The following RBFOX1 variants were observed in gnomAD, a reference collection of about 807,000 sequenced individuals.
RBFOX1 encodes the protein RNA binding fox-1 homolog 1, also known as RNA binding protein fox-1 homolog 1.
RBFOX1 carries 8 observed loss-of-function variants against 57.7 expected under a neutral mutation model. The ratio of observed to expected loss-of-function variants is 0.14; its 90% confidence interval spans 0.08 to 0.25. The LOEUF (loss-of-function observed/expected upper bound fraction) is 0.25. RBFOX1 is among the 10% of genes least tolerant of loss of function. The pLI, the probability that RBFOX1 is intolerant of heterozygous loss-of-function variation, is 1.00. For synonymous variants in RBFOX1, 326 were observed against 222.4 expected, an observed-to-expected ratio of 1.47 and a Z score of -4.15; for missense variants, 611 against 548.5, an observed-to-expected ratio of 1.11 and a Z score of -1.14.
intron 4 of RBFOX1, among the ~76,000 whole-genome samples, chr16:7,298,103 G>A (rs2095938763): frequency 6.6e-6 from 1 of 152,006 alleles, no homozygotes; most frequent in South Asian, 2.1e-4. Flanking sequence ...ATTTTTCCAA[G>A]GAAAGACACT....
chr16:6,078,343 C>G (rs181212595), intron 1 of RBFOX1, among the ~76,000 whole-genome samples: 1 of 152,132 alleles, frequency 6.6e-6, no homozygotes, highest in Admixed American at 6.6e-5. Flanking sequence ...TGGCCCGGGA[C>G]GGCTTTGAAT....
intron 5 of RBFOX1, among the ~76,000 whole-genome samples, chr16:7,579,114 A>C (rs553628686): frequency 6.6e-6 from 1 of 152,320 alleles, no homozygotes; most frequent in East Asian, 1.9e-4. Context: ...AACAAAGTTA[A>C]ATATCTTGTT....
At chr16:5,659,845 T>G (rs2151386337) in intron 3 of RBFOX1, among the ~76,000 whole-genome samples, 1 of 152,302 alleles carries the variant, frequency 6.6e-6, no homozygotes, top group South Asian at 2.1e-4. Flanking sequence ...ACATTGCAGT[T>G]GTTGCAGGTA....
At chr16:5,707,712 C>A (rs1178024860) in intron 3 of RBFOX1, among the ~76,000 whole-genome samples, 1 of 152,172 alleles carries the variant, frequency 6.6e-6, no homozygotes, top group Non-Finnish European at 1.5e-5. Context: ...ATAGCCTCAT[C>A]TGTTAAATAG....
intron 1 of RBFOX1, among the ~76,000 whole-genome samples, chr16:5,265,587 A>C (rs1229278509): frequency 1.3e-5 from 2 of 152,226 alleles, no homozygotes; most frequent in Non-Finnish European, 2.9e-5. Context: ...AATGCTGATC[A>C]ATATGTGTAG....
intron 14 of RBFOX1, among the ~76,000 whole-genome samples, chr16:7,687,732 A>C (rs976918782): frequency 2.6e-5 from 4 of 152,120 alleles, no homozygotes; most frequent in East Asian, 1.9e-4. Context: ...TACTGTAATT[A>C]GTATAATTAG....
rs2059395601 is a variant in RBFOX1, at chr16:5,946,144, C to T, written c.351+78809C>T. ...AGATTTTGTTAATAGACCACCACTC[C>T]TGTCCTAACATGGCAGGATGTGATG... On this transcript the variant is annotated intron_variant, in intron 4 of 19. Coordinates refer to the RBFOX1 transcript ENST00000641259. The surrounding 1 kb of genome is among the most constrained non-coding windows in gnomAD (Gnocchi z 4.6). 6.6e-6 allele frequency among the ~76,000 whole-genome samples: 1 copy of T among 152,198 alleles called. No individual in the cohort carries two copies. Among genetic ancestry groups the T allele is most frequent in the South Asian group, 2.1e-4 (1 of 4,834 alleles).
intron 3 of RBFOX1, among the ~76,000 whole-genome samples, chr16:7,027,718 C>T (rs1235285558): frequency 2.0e-5 from 3 of 152,066 alleles, no homozygotes; most frequent in African/African-American, 7.2e-5. Flanking sequence ...GTTTTTAATT[C>T]ACCAGTAAAA....
At position 6,619,880 on chromosome 16, in the gene RBFOX1, C is replaced by A. The variant is rs1404739796; in HGVS notation, c.-63-34723C>A. ...CTCCCACCCTCCACCCTACAATAGG[C>A]CGCAGTTTGTGTTGTTCCCCTCTGT... On this transcript the variant is annotated intron_variant, in intron 2 of 15. Transcript: ENST00000550418. Among the ~76,000 whole-genome samples the A allele has an allele frequency of 2.0e-5, 3 of 152,006 alleles. No homozygotes were observed. The South Asian group carries it at 6.2e-4, about 32-fold the overall frequency.
intron 4 of RBFOX1, among the ~76,000 whole-genome samples, chr16:7,199,253 C>A (rs1019912723): frequency 6.6e-6 from 1 of 152,128 alleles, no homozygotes; most frequent in Non-Finnish European, 1.5e-5. Context: ...ACAAGATTTC[C>A]TTCAGTGTGA....
chr16:7,371,038 G>C (rs1160306596), intron 4 of RBFOX1, among the ~76,000 whole-genome samples: 1 of 152,130 alleles, frequency 6.6e-6, no homozygotes, highest in African/African-American at 2.4e-5. Flanking sequence ...TTTTTGACTT[G>C]CCTGTATTTT....
intron 4 of RBFOX1, among the ~76,000 whole-genome samples, chr16:7,495,073 C>T (rs1178747369): frequency 6.6e-6 from 1 of 152,044 alleles, no homozygotes; most frequent in Non-Finnish European, 1.5e-5. Context: ...ATGTGATACT[C>T]GTTTTCTGTT....
At chr16:7,211,423 G>T (rs1355971431) in intron 4 of RBFOX1, among the ~76,000 whole-genome samples, 1 of 146,810 alleles carries the variant, frequency 6.8e-6, no homozygotes, top group Non-Finnish European at 1.5e-5. Context: ...TTGGACTCTG[G>T]TTTCTAAATT....
intron 1 of RBFOX1, among the ~76,000 whole-genome samples, chr16:5,353,789 G>A (rs540073365): frequency 3.3e-5 from 5 of 151,564 alleles, no homozygotes; most frequent in Non-Finnish European, 5.9e-5. Flanking sequence ...AGGACGTCTC[G>A]GGGGCTACTG....
At chr16:6,157,086 T>G (rs933813485) in intron 1 of RBFOX1, among the ~76,000 whole-genome samples, 1 of 152,084 alleles carries the variant, frequency 6.6e-6, no homozygotes, top group African/African-American at 2.4e-5. Context: ...TCCTCCACCA[T>G]GGCCTCCCAA....
At chr16:5,609,060 G>T (rs1298674503) in intron 3 of RBFOX1, among the ~76,000 whole-genome samples, 1 of 152,154 alleles carries the variant, frequency 6.6e-6, no homozygotes, top group Non-Finnish European at 1.5e-5. Context: ...GGAAGATAAG[G>T]GGAGCAAATA....
intron 4 of RBFOX1, among the ~76,000 whole-genome samples, chr16:5,885,425 G>T (rs1014720479): frequency 2.0e-5 from 3 of 151,790 alleles, no homozygotes; most frequent in African/African-American, 7.3e-5. Flanking sequence ...ATAGCAACTT[G>T]CAAGGTTAAG....
At position 7,111,242 on chromosome 16, in the gene RBFOX1, A is replaced by G. The variant is rs972014485; in HGVS notation, c.27+59144A>G. ...GGCCTTTGTCAAACTGAAGTATTTT[A>G]ATTAACTTACACCGTAAAAGTGAAA... On this transcript the variant is annotated intron_variant, in intron 4 of 15. Coordinates refer to ENST00000550418, the MANE Select transcript of RBFOX1 (RefSeq NM_018723.4). Among the ~76,000 whole-genome samples, 5 of 152,278 alleles carry G rather than the reference A, an allele frequency of 3.3e-5. No homozygotes were observed. In the South Asian group the frequency reaches 1.0e-3, roughly 32 times the overall value.
intron 1 of RBFOX1, among the ~76,000 whole-genome samples, chr16:6,146,084 T>G (rs2096755874): frequency 6.6e-6 from 1 of 152,144 alleles, no homozygotes; most frequent in East Asian, 1.9e-4. Flanking sequence ...AGCTGTGTTC[T>G]AACTATGGTG....
Sources: allele counts gnomAD v4.1 joint callset (sites outside exome capture counted in the v4.1 genomes callset), GRCh38; gene constraint gnomAD v4.1.1; non-coding constraint Gnocchi (gnomAD v3.1); transcripts MANE v1.5; gene names NCBI Gene and HGNC (gene_info 2026-07-23, HGNC 2026-07-21).